Variants in GFOD1 observed in about 807,000 individuals in gnomAD.
GFOD1 encodes the protein Gfo/Idh/MocA-like oxidoreductase domain containing 1.
A neutral mutation model predicts 25.4 loss-of-function variants in GFOD1; 9 were observed. That is an observed-to-expected ratio of 0.35 (90% CI 0.21 to 0.62). The LOEUF (loss-of-function observed/expected upper bound fraction) is 0.62. Ranked by LOEUF, GFOD1 falls within the 20% of genes least tolerant of loss-of-function variation. The pLI is 0.72. For synonymous variants in GFOD1, 253 were observed against 245.6 expected, an observed-to-expected ratio of 1.03 and a Z score of -0.28; for missense variants, 403 against 556.9, an observed-to-expected ratio of 0.72 and a Z score of 2.78.
At chr6:13,477,524 C>T (rs116311925) in intron 1 of GFOD1, among the ~76,000 whole-genome samples, 4,207 of 151,996 alleles carry the variant, frequency 0.028, 173 homozygotes, top group African/African-American at 0.096. Flanking sequence ...CACACACTAC[C>T]CAGGAGGCTC....
At chr6:13,475,230 A>G (rs1331981264) in intron 1 of GFOD1, among the ~76,000 whole-genome samples, 1 of 152,166 alleles carries the variant, frequency 6.6e-6, no homozygotes, top group Non-Finnish European at 1.5e-5. Context: ...AATGCAAACC[A>G]AAGTCCTAAC....
chr6:13,379,199 G>C (rs977012700), intron 1 of GFOD1, among the ~76,000 whole-genome samples: 1 of 152,146 alleles, frequency 6.6e-6, no homozygotes, highest in Non-Finnish European at 1.5e-5. Context: ...TGTGTTTGGG[G>C]GAGGAAAGGT....
chr6:13,379,641 C>T (rs1036570694), intron 1 of GFOD1, among the ~76,000 whole-genome samples: 4 of 152,194 alleles, frequency 2.6e-5, no homozygotes, highest in African/African-American at 9.7e-5. Flanking sequence ...AAGCTGACTT[C>T]CCCAGCCTCT....
At chr6:13,443,094 C>A (rs1242990898) in intron 1 of GFOD1, among the ~76,000 whole-genome samples, 2 of 152,148 alleles carry the variant, frequency 1.3e-5, no homozygotes, top group Non-Finnish European at 2.9e-5. Context: ...TGATTCAAAT[C>A]CCCATGAATG....
intron 1 of GFOD1, among the ~76,000 whole-genome samples, chr6:13,393,884 C>T (rs574391952): frequency 9.3e-5 from 14 of 150,964 alleles, no homozygotes; most frequent in African/African-American, 1.7e-4. Context: ...GGTTCGGCCA[C>T]TCTCCTGCCT....
chr6:13,475,719 AAATAATAAT>A (rs56303574), intron 1 of GFOD1, among the ~76,000 whole-genome samples: 22,440 of 135,406 alleles, frequency 0.17, 1,892 homozygotes, highest in Middle Eastern at 0.19. Context: ...CTCCATCTCA[AAATAATAAT>A]AATAATAATA....
chr6:13,466,553 A>G (rs1021143178), intron 1 of GFOD1, among the ~76,000 whole-genome samples: 1 of 152,150 alleles, frequency 6.6e-6, no homozygotes, highest in Non-Finnish European at 1.5e-5. Flanking sequence ...GACATTCTCA[A>G]TCACCTCCCT....
At chr6:13,415,892 A>T (rs1435844169) in intron 1 of GFOD1, among the ~76,000 whole-genome samples, 4 of 152,228 alleles carry the variant, frequency 2.6e-5, no homozygotes, top group Non-Finnish European at 1.5e-5. Flanking sequence ...TGTTTCTGGC[A>T]CACAGTGGTA....
At chr6:13,472,003 C>G (rs114662569) in intron 1 of GFOD1, 2,572 of 159,130 alleles carry the variant, frequency 0.016, 49 homozygotes, top group African/African-American at 0.055. Flanking sequence ...CTGGGGAGGC[C>G]TCGGAATCAT....
intron 1 of GFOD1, among the ~76,000 whole-genome samples, chr6:13,482,921 T>C (rs1475141153): frequency 1.3e-5 from 2 of 151,066 alleles, no homozygotes; most frequent in African/African-American, 4.9e-5. Context: ...TACATCTATA[T>C]ATTAGTGTAT....
intron 1 of GFOD1, among the ~76,000 whole-genome samples, chr6:13,380,107 G>C (rs1234771560): frequency 6.6e-6 from 1 of 152,216 alleles, no homozygotes; most frequent in Non-Finnish European, 1.5e-5. Context: ...TCAGCTCTTA[G>C]AGCTGCAAGA....
intron 1 of GFOD1, among the ~76,000 whole-genome samples, chr6:13,389,721 C>G (rs1472645485): frequency 3.3e-5 from 5 of 152,018 alleles, no homozygotes; most frequent in Admixed American, 3.3e-4. Flanking sequence ...ATGTAACAAA[C>G]CTGCAAGTTC....
At chr6:13,398,706 C>A (rs1429825776) in intron 1 of GFOD1, among the ~76,000 whole-genome samples, 2 of 152,122 alleles carry the variant, frequency 1.3e-5, no homozygotes, top group African/African-American at 4.8e-5. Context: ...GTTGAGCCAT[C>A]AGCACCTCAC....
rs932678036 is a variant in GFOD1, at chr6:13,360,745, G to C, written c.*3998C>G. ...GCATCCTGCTGAACAGGAGGGTGCTGACAGCAGGCTGAGTGGAGCCGCAGG... is the reference window on the plus strand; with the variant it reads ...GCATCCTGCTGAACAGGAGGGTGCTCACAGCAGGCTGAGTGGAGCCGCAGG... On this transcript the variant is annotated 3_prime_UTR_variant, in exon 2 of 2. Coordinates refer to ENST00000379287, the MANE Select transcript of GFOD1 (RefSeq NM_018988.4). 6.6e-6 allele frequency: 3 copies of C among 456,682 alleles called. No homozygotes were observed. The highest frequency in any genetic ancestry group is 6.0e-5 in the African/African-American group (3 of 50,098). The allele number at this position is 456,682 out of a possible 1,614,324, so 28.3% of individuals were successfully genotyped here.
intron 1 of GFOD1, among the ~76,000 whole-genome samples, chr6:13,397,450 A>C (rs1414523971): frequency 1.3e-5 from 2 of 152,124 alleles, no homozygotes; most frequent in African/African-American, 2.4e-5. Flanking sequence ...CTGCATCTTC[A>C]CTTTTCACTT....
chr6:13,419,629 G>C (rs919971534), intron 1 of GFOD1, among the ~76,000 whole-genome samples: 1 of 152,154 alleles, frequency 6.6e-6, no homozygotes, highest in Non-Finnish European at 1.5e-5. Context: ...GTGGTTTGCA[G>C]GACCCTCCAC....
At position 13,369,204 on chromosome 6, in the gene GFOD1, A is replaced by G. The variant is rs201827587; in HGVS notation, c.254-3542T>C. ...CCCAGCAAACCTTGTTGCCTGCCCC[A>G]CCTTTGTGCCCACAGTCTTTTGCAA... On this transcript the variant is annotated intron_variant, in intron 1 of 1. Coordinates refer to ENST00000379287, the MANE Select transcript of GFOD1 (RefSeq NM_018988.4). Among the ~76,000 whole-genome samples the G allele has an allele frequency of 2.2e-4, 34 of 152,216 alleles. No individual in the cohort carries two copies. The East Asian group carries it at 6.0e-3, about 27-fold the overall frequency.
rs1053031862 is a variant in GFOD1 at position 13,475,631 on chromosome 6, T to C, written c.253+11007A>G. Among the ~76,000 whole-genome samples the C allele has an allele frequency of 5.5e-4, 83 of 151,452 alleles. 1 individual carries two copies. The highest frequency in any genetic ancestry group is 3.2e-4 in the Non-Finnish European group (22 of 67,930). On this transcript the variant is annotated intron_variant, in intron 1 of 1. Transcript: ENST00000379287. Reference sequence around the variant, plus strand: ...TACTCAGGAGGCTGAGGCAGGAGAATTGCTTGAACCCTGAAGGCGGCAGCT... The same window carrying C: ...TACTCAGGAGGCTGAGGCAGGAGAACTGCTTGAACCCTGAAGGCGGCAGCT...
At chr6:13,385,293 C>T (rs1332163412) in intron 1 of GFOD1, among the ~76,000 whole-genome samples, 6 of 152,194 alleles carry the variant, frequency 3.9e-5, no homozygotes, top group African/African-American at 1.4e-4. Context: ...CACCCAGGTA[C>T]CTGCCCCCAT....
Sources: allele counts gnomAD v4.1 joint callset (sites outside exome capture counted in the v4.1 genomes callset), GRCh38; gene constraint gnomAD v4.1.1; transcripts MANE v1.5; gene names NCBI Gene and HGNC (gene_info 2026-07-23, HGNC 2026-07-21).